CLOCK: variants seen among roughly 807,000 people sequenced by gnomAD.
CLOCK encodes clock circadian regulator.
CLOCK carries 43 observed loss-of-function variants against 118.4 expected under a neutral mutation model. The ratio of observed to expected loss-of-function variants is 0.36; its 90% CI spans 0.28 to 0.47. The LOEUF is 0.47. Among genes scored for constraint, CLOCK ranks in the 20% least tolerant of loss-of-function variants. The pLI is 1.00. For synonymous variants in CLOCK, 326 were observed against 339.2 expected (o/e 0.96, Z 0.43); for missense variants, 846 against 999.9 (o/e 0.85, Z 2.08).
At chr4:55,449,823 CAATA>C (rs1724260628) in intron 16 of CLOCK, among the ~76,000 whole-genome samples, 1 of 151,888 alleles carries the variant, frequency 6.6e-6, no homozygotes, top group African/African-American at 2.4e-5. Flanking sequence ...TAAAAAAACA[CAATA>C]AATAGTTGCC....
chr4:55,541,518 TA>T lies in CLOCK; in HGVS notation c.-290+5263del, dbSNP rs1228837769. Among the ~76,000 whole-genome samples the T allele has an allele frequency of 4.6e-5, 7 of 152,326 alleles. No individual in the cohort carries two copies. The East Asian group carries it at 1.3e-3, about 29-fold the overall frequency. On this transcript the variant is annotated intron_variant, in intron 1 of 22. Coordinates refer to ENST00000513440, the MANE Select transcript of CLOCK (RefSeq NM_004898.4). ...CTTTTCCCCCACAATATTGTTTTATTAAAATAGTCACAGTAAATAAATGCTT... is the reference window on the plus strand; with the variant it reads ...CTTTTCCCCCACAATATTGTTTTATTAAATAGTCACAGTAAATAAATGCTT...
chr4:55,433,738 T>C lies in CLOCK; in HGVS notation c.*1677A>G, dbSNP rs1463020081. The C allele has an allele frequency of 6.6e-6, 1 of 152,186 alleles. No homozygotes were observed. The highest frequency in any genetic ancestry group is 2.4e-5 in the African/African-American group (1 of 41,462). 9.4% of individuals were successfully genotyped at this position (152,186 alleles called of 1,614,324 possible). A position where few individuals can be genotyped will look rare whatever the true frequency, so the allele number is the denominator to read the frequency against. On this transcript the variant is annotated 3_prime_UTR_variant, in exon 23 of 23. Transcript: ENST00000513440. ...TTAGTACCATAAAATCTGTAAAATG[T>C]TTTTTAAATGTATGTAACTTGTATT...
chr4:55,503,978 TAA>T (rs60471915), intron 2 of CLOCK, among the ~76,000 whole-genome samples: 2,046 of 71,160 alleles, frequency 0.029, 105 homozygotes, highest in Non-Finnish European at 0.038. Flanking sequence ...CAAAAAGAGG[TAA>T]AAAAAAAAAA....
In CLOCK at chr4:55,443,769, A is replaced by C. The variant is rs898273156; in HGVS notation, c.1820T>G (p.Ile607Ser). The change falls in exon 20 of 23, where the codon ATT becomes AGT. Residue 607 changes from isoleucine to serine, a missense_variant. Coordinates refer to ENST00000513440, the MANE Select transcript of CLOCK (RefSeq NM_004898.4). ...GTGTCCAGTATTCATTCCACTTTGA[A>C]TCTGGTTAGTAGGAACAACTTGGCC... Reference protein sequence around the residue: ...MQGQVVPTNQIQSGMNTGHIG... With the variant: ...MQGQVVPTNQSQSGMNTGHIG... 1 of 1,614,060 alleles carries C rather than the reference A, an allele frequency of 6.2e-7. No individual in the cohort carries two copies. The highest frequency in any genetic ancestry group is 1.7e-5 in the Admixed American group (1 of 60,016).
intron 2 of CLOCK, among the ~76,000 whole-genome samples, chr4:55,498,013 T>C (rs1217531704): frequency 1.3e-5 from 2 of 152,078 alleles, no homozygotes; most frequent in East Asian, 3.8e-4. Context: ...GTACAGAATT[T>C]CATTAGTACT....
At chr4:55,489,827 C>T (rs983133318) in intron 2 of CLOCK, among the ~76,000 whole-genome samples, 2 of 152,094 alleles carry the variant, frequency 1.3e-5, no homozygotes, top group South Asian at 4.2e-4. Context: ...ACGCTTAAGA[C>T]AGACTGTTTT....
chr4:55,473,343 A>C (rs568311279), intron 7 of CLOCK, among the ~76,000 whole-genome samples: 21 of 152,318 alleles, frequency 1.4e-4, no homozygotes, highest in African/African-American at 4.8e-4. Flanking sequence ...TGTTTACTTC[A>C]TAAGAGTATT....
rs972400790 is a variant in CLOCK at position 55,450,240 on chromosome 4, G to A, written c.1207-8C>T. The stretch of plus-strand genomic sequence containing the variant: ...TGACCCAGAATCTTGGCTCTATGGA[G>A]ACAGAGTAAAATAAATGTTTTCTTG... On this transcript the variant is annotated splice_region_variant and splice_polypyrimidine_tract_variant and intron_variant, in intron 15 of 22. Transcript: ENST00000513440. 6.2e-7 allele frequency: 1 copy of A among 1,613,848 alleles called. No homozygotes were observed.
rs761231095 is a variant in CLOCK at position 55,443,707 on chromosome 4, A to C, written c.1882T>G (p.Leu628Val). The change falls in exon 20 of 23, where the codon TTA (leucine) becomes GTA (valine). Residue 628 changes from leucine to valine, a missense_variant. By Grantham distance (32) the Leu-to-Val change is conservative. Transcript: ENST00000513440. ...TTQHMIQQQT[L>V]QSTSTQSQQN... Reference sequence around the variant, plus strand: ...ATTACCTGAGTTGATGTACTCTGTAAAGTCTGTTGTTGTATCATGTGCTGA... The same window carrying C: ...ATTACCTGAGTTGATGTACTCTGTACAGTCTGTTGTTGTATCATGTGCTGA... 3.7e-6 allele frequency: 6 copies of C among 1,614,004 alleles called. No homozygotes were observed. In the South Asian group the frequency reaches 6.6e-5, roughly 18 times the overall value.
Position 55,430,274 on chromosome 4 carries a change from AAAT to A in CLOCK, c.*5138_*5140del, listed in dbSNP as rs1722414490. 6.6e-6 allele frequency: 1 copy of A among 152,192 alleles called. No homozygotes were observed. The highest frequency in any genetic ancestry group is 1.5e-5 in the Non-Finnish European group (1 of 68,036). 9.4% of individuals were successfully genotyped at this position (152,192 alleles called of 1,614,324 possible). ...TCCATAAACTATATCCTATTCCACT[AAAT>A]AATGTTTCCCTGAGGAAACCCAGGC... On this transcript the variant is annotated 3_prime_UTR_variant, in exon 23 of 23. Coordinates refer to ENST00000513440, the MANE Select transcript of CLOCK (RefSeq NM_004898.4).
In CLOCK at chr4:55,470,631, T is replaced by C. The variant is rs1041919079; in HGVS notation, c.438+86A>G. The C allele has an allele frequency of 2.7e-5, 25 of 914,166 alleles. No homozygotes were observed. In the African/African-American group the frequency reaches 2.8e-4, roughly 10 times the overall value. The allele number at this position is 914,166 out of a possible 1,614,324, so 56.6% of individuals were successfully genotyped here. A position where few individuals can be genotyped will look rare whatever the true frequency, so the allele number is the denominator to read the frequency against. On this transcript the variant is annotated intron_variant, in intron 8 of 22. Transcript: ENST00000513440. ...TACCCCTTTAACGACTGTTGTACAC[T>C]GCTCTCAAAGTCCACTTCCCAGTGC... is the stretch of plus-strand genomic sequence containing the variant.
chr4:55,533,806 G>A (rs1730708376), intron 1 of CLOCK, among the ~76,000 whole-genome samples: 1 of 152,160 alleles, frequency 6.6e-6, no homozygotes, highest in South Asian at 2.1e-4. Flanking sequence ...GGGAGGCTGA[G>A]GCAGGAGAAC....
At chr4:55,468,811 T>C (rs1392141415) in intron 8 of CLOCK, among the ~76,000 whole-genome samples, 1 of 152,184 alleles carries the variant, frequency 6.6e-6, no homozygotes, top group Non-Finnish European at 1.5e-5. Flanking sequence ...GGTAAGACCT[T>C]GCACTGCATA....
At chr4:55,539,131 A>G (rs1731089760) in intron 1 of CLOCK, among the ~76,000 whole-genome samples, 1 of 152,102 alleles carries the variant, frequency 6.6e-6, no homozygotes, top group Non-Finnish European at 1.5e-5. Context: ...GCTACTCAGG[A>G]GGCTGTGGCA....
At chr4:55,522,812 T>C (rs1182893039) in intron 1 of CLOCK, among the ~76,000 whole-genome samples, 1 of 152,136 alleles carries the variant, frequency 6.6e-6, no homozygotes, top group East Asian at 1.9e-4. Flanking sequence ...CACACACTCA[T>C]TTACTTCTGA....
chr4:55,521,241 T>C (rs1729828025), intron 1 of CLOCK, among the ~76,000 whole-genome samples: 1 of 152,196 alleles, frequency 6.6e-6, no homozygotes, highest in Non-Finnish European at 1.5e-5. Flanking sequence ...TTTTTTGAGA[T>C]GGAGTTTCAC....
chr4:55,464,815 CTTTTAA>C (rs995662074), intron 8 of CLOCK, among the ~76,000 whole-genome samples: 32 of 152,272 alleles, frequency 2.1e-4, no homozygotes, highest in African/African-American at 7.2e-4. Flanking sequence ...TGGTGCCATA[CTTTTAA>C]TAACAAAAAC....
At chr4:55,527,304 AG>A (rs1730268830) in intron 1 of CLOCK, among the ~76,000 whole-genome samples, 1 of 152,186 alleles carries the variant, frequency 6.6e-6, no homozygotes, top group Non-Finnish European at 1.5e-5. Context: ...AATCACTAAA[AG>A]TAGGTGATGG....
chr4:55,530,690 A>C (rs1730481408), intron 1 of CLOCK, among the ~76,000 whole-genome samples: 1 of 144,212 alleles, frequency 6.9e-6, no homozygotes, highest in African/African-American at 2.6e-5. Flanking sequence ...CAGAAGAATC[A>C]GCTGAACCCA....
Sources: gnomAD v4.1 joint callset for allele counts (sites outside exome capture counted in the v4.1 genomes callset) on GRCh38, gnomAD v4.1.1 for gene constraint, MANE v1.5 for transcripts, NCBI Gene and HGNC (gene_info 2026-07-23, HGNC 2026-07-21) for gene names.